Variants in TENM2 observed in about 807,000 individuals in gnomAD.
TENM2 encodes the protein teneurin-2.
A neutral mutation model predicts 245.2 loss-of-function variants in TENM2; 52 were observed. The observed-to-expected ratio is 0.21, with a 90% CI of 0.17 to 0.27. The LOEUF (loss-of-function observed/expected upper bound fraction) is 0.27, where lower values mean the gene tolerates loss of function less well. Among genes scored for constraint, TENM2 ranks in the 10% least tolerant of loss-of-function variants. TENM2 has a pLI of 1.00. For missense variants in TENM2, 3,046 were observed against 3,666.8 expected (o/e 0.83, Z 4.37); for synonymous variants, 1,363 against 1,438.9 (o/e 0.95, Z 1.19).
At chr5:168,082,893 G>C (rs1361698023) in intron 7 of TENM2, among the ~76,000 whole-genome samples, 2 of 152,184 alleles carry the variant, frequency 1.3e-5, no homozygotes, top group Non-Finnish European at 1.5e-5. Flanking sequence ...TAGTCTACTA[G>C]GGGGTCAGGG....
intron 9 of TENM2, among the ~76,000 whole-genome samples, chr5:168,111,706 T>A (rs536112431): frequency 6.6e-6 from 1 of 152,328 alleles, no homozygotes; most frequent in East Asian, 1.9e-4. Context: ...AGATTTGATT[T>A]GCTGCCATCC....
At chr5:167,386,034 T>C (rs1457531499) in intron 2 of TENM2, among the ~76,000 whole-genome samples, 1 of 152,070 alleles carries the variant, frequency 6.6e-6, no homozygotes, top group Non-Finnish European at 1.5e-5. Flanking sequence ...TTCCTCTGAG[T>C]AGATACACAG....
At chr5:167,003,384 T>G in the TENM2 span, among the ~76,000 whole-genome samples, 1 of 152,158 alleles carries the variant, frequency 6.6e-6, no homozygotes, top group South Asian at 2.1e-4. Flanking sequence ...ATTTGAATAA[T>G]TGGGGGAAGG....
At chr5:167,759,204 A>G (rs1292731658) in intron 2 of TENM2, among the ~76,000 whole-genome samples, 1 of 151,058 alleles carries the variant, frequency 6.6e-6, no homozygotes, top group Non-Finnish European at 1.5e-5. Flanking sequence ...TTACTTAACT[A>G]GCAAGTTGCT....
chr5:167,240,262 T>C, the TENM2 span, among the ~76,000 whole-genome samples: 1 of 152,064 alleles, frequency 6.6e-6, no homozygotes, highest in East Asian at 1.9e-4. Flanking sequence ...GGTGGCCTTT[T>C]TTTTTTTTGC....
chr5:167,452,381 G>A (rs1765638199), intron 2 of TENM2, among the ~76,000 whole-genome samples: 1 of 152,188 alleles, frequency 6.6e-6, no homozygotes, highest in Non-Finnish European at 1.5e-5. Context: ...TCAGACTCAT[G>A]AGTAAAGAAA....
the TENM2 span, among the ~76,000 whole-genome samples, chr5:167,102,968 G>A: frequency 6.6e-6 from 1 of 152,112 alleles, no homozygotes; most frequent in East Asian, 1.9e-4. Flanking sequence ...CTTAATAATA[G>A]TAATTCCTTG....
At chr5:167,087,207 C>G in the TENM2 span, among the ~76,000 whole-genome samples, 4 of 152,150 alleles carry the variant, frequency 2.6e-5, no homozygotes, top group Non-Finnish European at 5.9e-5. Context: ...AACCTCATGC[C>G]TCCTTTAGAG....
chr5:167,528,826 C>T (rs1252058879), intron 2 of TENM2, among the ~76,000 whole-genome samples: 2 of 152,100 alleles, frequency 1.3e-5, no homozygotes, highest in African/African-American at 4.8e-5. Flanking sequence ...CCTTGTCTCT[C>T]CTTGCTGTGT....
At chr5:167,704,599 G>A (rs1200601056) in intron 2 of TENM2, among the ~76,000 whole-genome samples, 2 of 152,120 alleles carry the variant, frequency 1.3e-5, no homozygotes, top group Non-Finnish European at 2.9e-5. Context: ...TACAGAAATA[G>A]CAATGAAGGA....
At chr5:167,351,887 T>C (rs1429864140) in intron 1 of TENM2, among the ~76,000 whole-genome samples, 1 of 152,096 alleles carries the variant, frequency 6.6e-6, no homozygotes, top group African/African-American at 2.4e-5. Context: ...TTCAAACCAC[T>C]GGATGAAATT....
chr5:168,040,456 A>G (rs1788087346), intron 5 of TENM2, among the ~76,000 whole-genome samples: 1 of 152,080 alleles, frequency 6.6e-6, no homozygotes. Flanking sequence ...TTCTCGGGAG[A>G]TAGGTGCACA....
rs760292512 is a variant in TENM2 at position 168,218,102 on chromosome 5, A to T, written c.4234-23A>T. The T allele has an allele frequency of 1.2e-6, 2 of 1,602,582 alleles. No individual in the cohort carries two copies. The highest frequency in any genetic ancestry group is 1.7e-6 in the Non-Finnish European group (2 of 1,172,042). On this transcript the variant is annotated intron_variant, in intron 22 of 28. Transcript: ENST00000518659. This position sits in a 1 kb window ranked among gnomAD's most constrained non-coding sequence, Gnocchi z 5.2. Reference sequence around the variant, plus strand: ...TGGACATATTAAAGGCTGTTCTTTAATCTGATACCACGTCATCCACAGGTT... The same window carrying T: ...TGGACATATTAAAGGCTGTTCTTTATTCTGATACCACGTCATCCACAGGTT...
chr5:167,818,895 C>T (rs1583090484), intron 2 of TENM2, among the ~76,000 whole-genome samples: 1 of 152,072 alleles, frequency 6.6e-6, no homozygotes, highest in Non-Finnish European at 1.5e-5. Flanking sequence ...CCAGATGTGG[C>T]CAGGGCCTCC....
chr5:168,072,904 T>G (rs935371578), intron 7 of TENM2, among the ~76,000 whole-genome samples: 3 of 152,160 alleles, frequency 2.0e-5, no homozygotes, highest in African/African-American at 4.8e-5. Flanking sequence ...AATACTGATA[T>G]GCAAACTGCG....
chr5:167,924,399 C>T (rs1001957711), intron 3 of TENM2, among the ~76,000 whole-genome samples: 6 of 152,182 alleles, frequency 3.9e-5, no homozygotes, highest in African/African-American at 1.2e-4. Context: ...TTGTTTTTCT[C>T]GACAGGAGCA....
At chr5:167,340,348 T>C (rs540430349) in intron 1 of TENM2, among the ~76,000 whole-genome samples, 4 of 152,320 alleles carry the variant, frequency 2.6e-5, no homozygotes, top group African/African-American at 9.6e-5. Flanking sequence ...CAGGGTGCAA[T>C]AACAAAATAT....
chr5:167,853,912 T>G (rs1008852205), intron 2 of TENM2, among the ~76,000 whole-genome samples: 1 of 152,212 alleles, frequency 6.6e-6, no homozygotes, highest in Non-Finnish European at 1.5e-5. Flanking sequence ...TTTACATAAA[T>G]AGCTGCTTCC....
intron 2 of TENM2, among the ~76,000 whole-genome samples, chr5:167,689,434 A>G (rs1309216471): frequency 6.6e-6 from 1 of 152,232 alleles, no homozygotes; most frequent in Admixed American, 6.5e-5. Context: ...GTGGATCTGA[A>G]GGGGATAGCC....
Sources: gnomAD v4.1 joint callset for allele counts (sites outside exome capture counted in the v4.1 genomes callset) on GRCh38, gnomAD v4.1.1 for gene constraint, Gnocchi (gnomAD v3.1) non-coding constraint, MANE v1.5 for transcripts, NCBI Gene and HGNC (gene_info 2026-07-23, HGNC 2026-07-21) for gene names.